Variants in NMNAT2 observed in about 807,000 individuals in gnomAD.
NMNAT2 encodes the protein nicotinamide/nicotinic acid mononucleotide adenylyltransferase 2.
NMNAT2 carries 11 observed loss-of-function variants against 41.6 expected under a neutral mutation model. That is an observed-to-expected ratio of 0.26 (90% CI 0.17 to 0.44). The LOEUF is 0.44. NMNAT2 is among the 20% of genes least tolerant of loss of function. The pLI is 1.00. For missense variants in NMNAT2, 288 were observed against 407.7 expected (o/e 0.71, Z 2.53); for synonymous variants, 148 against 151.2 (o/e 0.98, Z 0.16).
intron 1 of NMNAT2, among the ~76,000 whole-genome samples, chr1:183,402,337 T>A (rs189494664): frequency 3.9e-5 from 6 of 152,322 alleles, no homozygotes; most frequent in African/African-American, 1.2e-4. Context: ...GTGTGGAAAG[T>A]TAAATATTAT....
At chr1:183,416,489 G>A (rs1043291709) in intron 1 of NMNAT2, among the ~76,000 whole-genome samples, 1 of 152,250 alleles carries the variant, frequency 6.6e-6, no homozygotes, top group Non-Finnish European at 1.5e-5. Flanking sequence ...TCAAAGGAAA[G>A]TGAAAGTGGA....
At chr1:183,379,627 A>G (rs895744779) in intron 1 of NMNAT2, among the ~76,000 whole-genome samples, 3 of 152,226 alleles carry the variant, frequency 2.0e-5, no homozygotes, top group Admixed American at 1.3e-4. Flanking sequence ...AATATTATCA[A>G]GAATAAAAAG....
intron 4 of NMNAT2, 147 bp downstream of exon 4, chr1:183,289,981 C>G: frequency 1.6e-6 from 1 of 619,002 alleles, no homozygotes. Flanking sequence ...GCTGGTCTCT[C>G]TCACAACCGG....
chr1:183,370,086 G>C (rs1278954753), intron 1 of NMNAT2, among the ~76,000 whole-genome samples: 6 of 151,944 alleles, frequency 3.9e-5, no homozygotes, highest in Non-Finnish European at 8.8e-5. Flanking sequence ...CCAACACACG[G>C]CTGCAACCTG....
chr1:183,368,709 G>A (rs1220367386), intron 1 of NMNAT2, among the ~76,000 whole-genome samples: 1 of 152,094 alleles, frequency 6.6e-6, no homozygotes, highest in Non-Finnish European at 1.5e-5. Flanking sequence ...ATAAATATTT[G>A]TTGGCAAGGC....
chr1:183,345,051 G>A (rs866506950), intron 1 of NMNAT2, among the ~76,000 whole-genome samples: 3 of 152,118 alleles, frequency 2.0e-5, no homozygotes, highest in South Asian at 2.1e-4. Context: ...CATTCCACCT[G>A]TTGTAAATCT....
intron 1 of NMNAT2, among the ~76,000 whole-genome samples, chr1:183,324,654 C>A (rs887266934): frequency 6.6e-6 from 1 of 152,178 alleles, no homozygotes; most frequent in African/African-American, 2.4e-5. Flanking sequence ...CTCCATCTCC[C>A]TTCCTCCTTT....
intron 1 of NMNAT2, among the ~76,000 whole-genome samples, chr1:183,408,093 G>A (rs899013850): frequency 1.3e-5 from 2 of 152,182 alleles, no homozygotes; most frequent in African/African-American, 2.4e-5. Flanking sequence ...AAAATTGTTC[G>A]TTAAACAGTT....
intron 1 of NMNAT2, among the ~76,000 whole-genome samples, chr1:183,359,526 T>C (rs16860882): frequency 0.025 from 3,815 of 152,294 alleles, 79 homozygotes; most frequent in Non-Finnish European, 0.035. Flanking sequence ...GATCACTTTA[T>C]AACTTGAACC....
At chr1:183,386,797 G>A (rs1033115346) in intron 1 of NMNAT2, among the ~76,000 whole-genome samples, 1 of 151,796 alleles carries the variant, frequency 6.6e-6, no homozygotes, top group Non-Finnish European at 1.5e-5. Context: ...GCTAGTTATA[G>A]GATAAATGAA....
intron 10 of NMNAT2, among the ~76,000 whole-genome samples, chr1:183,257,639 T>C (rs1660553390): frequency 6.6e-6 from 1 of 152,228 alleles, no homozygotes; most frequent in Admixed American, 6.5e-5. Context: ...CCCTCTAGGT[T>C]ACCAAATTTG....
At position 183,407,101 on chromosome 1, in the gene NMNAT2, G is replaced by C. The variant is rs571053954; in HGVS notation, c.85+11082C>G. Among the ~76,000 whole-genome samples the C allele has an allele frequency of 2.0e-5, 3 of 152,316 alleles. No homozygotes were observed. The South Asian group carries it at 6.2e-4, about 32-fold the overall frequency. ...CAAAGTGCTGGGATCATAGGCGTGA[G>C]CCACTGCACCTGGCCTGATCTGCCA... is the stretch of plus-strand genomic sequence containing the variant. On this transcript the variant is annotated intron_variant, in intron 1 of 10. Coordinates refer to ENST00000287713, the MANE Select transcript of NMNAT2 (RefSeq NM_015039.4).
chr1:183,307,835 T>C (rs1016153295), intron 1 of NMNAT2, among the ~76,000 whole-genome samples: 1 of 152,186 alleles, frequency 6.6e-6, no homozygotes, highest in African/African-American at 2.4e-5. Context: ...GCACGCCTCG[T>C]CCTCCCAGAG....
intron 1 of NMNAT2, among the ~76,000 whole-genome samples, chr1:183,389,416 T>C (rs1017814465): frequency 6.6e-6 from 1 of 152,152 alleles, no homozygotes; most frequent in African/African-American, 2.4e-5. Context: ...ATCCAAGCTT[T>C]ACTATTTTGT....
chr1:183,326,720 C>T (rs1031093307), intron 1 of NMNAT2, among the ~76,000 whole-genome samples: 1 of 152,052 alleles, frequency 6.6e-6, no homozygotes. Context: ...GCACCCTGGG[C>T]TGTGAGGAGA....
Position 183,318,721 on chromosome 1 carries a change from C to G in NMNAT2, c.86-24928G>C, listed in dbSNP as rs532445129. ...GCTGAGAGCTTGTAGAGACACACAT[C>G]AAACAAGTCCCAAACTGCTGACCTC... On this transcript the variant is annotated intron_variant, in intron 1 of 10. Transcript: ENST00000287713. Among the ~76,000 whole-genome samples, 147 of 152,314 alleles carry G rather than the reference C, an allele frequency of 9.7e-4. 1 individual carries two copies. Among genetic ancestry groups the G allele is most frequent in the African/African-American group, 3.4e-3 (141 of 41,562 alleles).
intron 8 of NMNAT2, among the ~76,000 whole-genome samples, chr1:183,266,418 T>A (rs932783326): frequency 1.3e-5 from 2 of 152,176 alleles, no homozygotes; most frequent in Non-Finnish European, 2.9e-5. Context: ...CCTGCATCCC[T>A]TGTGCGCTCC....
At chr1:183,278,160 G>A (rs576528904) in intron 8 of NMNAT2, among the ~76,000 whole-genome samples, 1 of 152,092 alleles carries the variant, frequency 6.6e-6, no homozygotes, top group Non-Finnish European at 1.5e-5. Context: ...TCTTTTTGAG[G>A]GGATTCCAGG....
intron 1 of NMNAT2, among the ~76,000 whole-genome samples, chr1:183,351,057 C>T (rs649614): frequency 0.58 from 88,411 of 152,066 alleles, 26,081 homozygotes; most frequent in East Asian, 0.79. Flanking sequence ...GCCAATCTAT[C>T]GTCATTCAGC....
Sources: allele counts gnomAD v4.1 joint callset (sites outside exome capture counted in the v4.1 genomes callset), GRCh38; gene constraint gnomAD v4.1.1; transcripts MANE v1.5; gene names NCBI Gene and HGNC (gene_info 2026-07-23, HGNC 2026-07-21).